ASIC1: variants seen among roughly 807,000 people sequenced by gnomAD.
The protein encoded by ASIC1 is acid-sensing ion channel 1.
A neutral mutation model predicts 63.4 loss-of-function variants in ASIC1; 21 were observed. The ratio of observed to expected loss-of-function variants is 0.33; its 90% CI spans 0.23 to 0.48. The LOEUF is 0.48. Among genes scored for constraint, ASIC1 ranks in the 20% least tolerant of loss-of-function variants. The pLI, the probability that ASIC1 is intolerant of heterozygous loss-of-function variation, is 0.99. For missense variants in ASIC1, 478 were observed against 695.5 expected (o/e 0.69, Z 3.52); for synonymous variants, 258 against 278.2 (o/e 0.93, Z 0.72).
Position 50,058,922 on chromosome 12 carries a change from C to T in ASIC1, c.156C>T (p.Gly52=), listed in dbSNP as rs530124219. ...KRALWALCFL[G]SLAVLLCVCT... ...CACTGTGGGCCCTGTGCTTCCTGGG[C>T]TCCCTGGCTGTGCTGCTGTGTGTGT... The change falls in exon 2 of 12, where the codon GGC becomes GGT. Residue 52 remains glycine (G), a synonymous_variant. Coordinates refer to ENST00000447966, the MANE Select transcript of ASIC1 (RefSeq NM_001095.4). 3 of 1,614,168 alleles carry T rather than the reference C, an allele frequency of 1.9e-6. No individual in the cohort carries two copies. The South Asian group carries it at 3.3e-5, about 18-fold the overall frequency.
Position 50,057,854 on chromosome 12 carries a change from C to T in ASIC1, c.-79C>T, listed in dbSNP as rs1429856950. The stretch of plus-strand genomic sequence containing the variant: ...AGCCCCTCCGCGACTCGGCGCTGAG[C>T]CCGCCACCGGTCCAGCGCCCCAGGA... On this transcript the variant is annotated 5_prime_UTR_variant, in exon 1 of 12. Transcript: ENST00000447966. The surrounding 1 kb of genome is among the most constrained non-coding windows in gnomAD (Gnocchi z 4.7). The T allele has an allele frequency of 6.6e-6, 1 of 151,512 alleles. No individual in the cohort carries two copies. The highest frequency in any genetic ancestry group is 1.5e-5 in the Non-Finnish European group (1 of 67,846). The allele number at this position is 151,512 out of a possible 1,614,324, so 9.4% of individuals were successfully genotyped here. A position where few individuals can be genotyped will look rare whatever the true frequency, so the allele number is the denominator to read the frequency against.
At chr12:50,065,329 C>A (rs934381068) in intron 3 of ASIC1, among the ~76,000 whole-genome samples, 2 of 152,176 alleles carry the variant, frequency 1.3e-5, no homozygotes, top group African/African-American at 4.8e-5. Context: ...GAAGGGGTGC[C>A]TAGCTGGGTG....
In ASIC1 at chr12:50,074,257, C is replaced by T; in HGVS notation, c.559-2956C>T. On this transcript the variant is annotated intron_variant, in intron 3 of 11. Coordinates refer to ENST00000447966, the MANE Select transcript of ASIC1 (RefSeq NM_001095.4). The surrounding 1 kb of genome is among the most constrained non-coding windows in gnomAD (Gnocchi z 4.2). The stretch of plus-strand genomic sequence containing the variant: ...CAACTTCTCAGTGGTGAGTGGAGCC[C>T]CATGCCTGCCACAGTACCCCAAGAG... 1.4e-6 allele frequency: 2 copies of T among 1,456,982 alleles called. No homozygotes were observed. The highest frequency in any genetic ancestry group is 9.0e-7 in the Non-Finnish European group (1 of 1,106,682). 90.3% of individuals were successfully genotyped at this position (1,456,982 alleles called of 1,614,324 possible).
intron 1 of ASIC1, among the ~76,000 whole-genome samples, chr12:50,058,133 C>T (rs991313964): frequency 1.3e-5 from 2 of 151,902 alleles, no homozygotes; most frequent in Non-Finnish European, 2.9e-5. Flanking sequence ...CCGCGCCCCC[C>T]CTCCATACAT....
At position 50,082,169 on chromosome 12, in the gene ASIC1, G is replaced by T. The variant is rs1435998089; in HGVS notation, c.*520G>T. 6.3e-6 allele frequency: 1 copy of T among 158,336 alleles called. No homozygotes were observed. The highest frequency in any genetic ancestry group is 1.4e-5 in the Non-Finnish European group (1 of 71,900). The allele number at this position is 158,336 out of a possible 1,614,324, so 9.8% of individuals were successfully genotyped here. A position where few individuals can be genotyped will look rare whatever the true frequency, so the allele number is the denominator to read the frequency against. The stretch of plus-strand genomic sequence containing the variant: ...GACTGTCCCCAAACCCAAGTCTCCT[G>T]GCAGGAACTAAAACCTCAGCCCCAC... On this transcript the variant is annotated 3_prime_UTR_variant, in exon 12 of 12. Coordinates refer to ENST00000447966, the MANE Select transcript of ASIC1 (RefSeq NM_001095.4).
intron 9 of ASIC1, 48 bp from the exon 10 acceptor site, chr12:50,081,054 C>A (rs1172584384): frequency 6.6e-7 from 1 of 1,509,914 alleles, no homozygotes; most frequent in Non-Finnish European, 9.0e-7. Flanking sequence ...CCCTGCTGCC[C>A]CCACGATGTC....
Position 50,059,014 on chromosome 12 carries a change from C to T in ASIC1, c.248C>T (p.Ser83Phe). 24 of 1,614,232 alleles carry T rather than the reference C, an allele frequency of 1.5e-5. No individual in the cohort carries two copies. Among genetic ancestry groups the T allele is most frequent in the Non-Finnish European group, 2.0e-5 (24 of 1,180,038 alleles). ...ACCAAGCTCGACGAGGTGGCTGCCTCTCAGCTTACCTTCCCTGCTGTCACG... is the reference window on the plus strand; with the variant it reads ...ACCAAGCTCGACGAGGTGGCTGCCTTTCAGCTTACCTTCCCTGCTGTCACG... ...HVTKLDEVAA[S>F]QLTFPAVTLC... Residue 83 changes from serine to phenylalanine, a missense_variant, in exon 2 of 12, where the codon TCT becomes TTT. Coordinates refer to ENST00000447966, the MANE Select transcript of ASIC1 (RefSeq NM_001095.4). The surrounding 1 kb of genome is among the most constrained non-coding windows in gnomAD (Gnocchi z 4.6).
chr12:50,075,319 C>T (rs1027291238), intron 3 of ASIC1, among the ~76,000 whole-genome samples: 147 of 152,274 alleles, frequency 9.7e-4, no homozygotes, highest in African/African-American at 3.4e-3. Context: ...CCTCTGGGCC[C>T]GAGAGTAGAG....
chr12:50,079,857 A>G (rs1236935048), intron 7 of ASIC1, 45 bp from the exon 8 acceptor site: 10 of 1,558,766 alleles, frequency 6.4e-6, no homozygotes, highest in Non-Finnish European at 8.7e-6. Context: ...AGGTGCTGGC[A>G]GAAGGGCACC....
At position 50,059,434 on chromosome 12, in the gene ASIC1, C is replaced by T. The variant is rs541628191; in HGVS notation, c.362+306C>T. 2.0e-5 allele frequency among the ~76,000 whole-genome samples: 3 copies of T among 152,314 alleles called. No homozygotes were observed. The highest frequency in any genetic ancestry group is 2.1e-4 in the South Asian group (1 of 4,826). On this transcript the variant is annotated intron_variant, in intron 2 of 11. Transcript: ENST00000447966. This position sits in a 1 kb window ranked among gnomAD's most constrained non-coding sequence, Gnocchi z 4.6. ...TCTGGCCACTCTGTCTTGACCTTCT[C>T]GTCAGTTGGGGGATGGGGACAGAAC...
At position 50,081,056 on chromosome 12, in the gene ASIC1, C is replaced by T. The variant is rs1464813967; in HGVS notation, c.1298-46C>T. 7 of 1,517,372 alleles carry T rather than the reference C, an allele frequency of 4.6e-6. No homozygotes were observed. In the South Asian group the frequency reaches 8.4e-5, roughly 18 times the overall value. 94.0% of individuals were successfully genotyped at this position (1,517,372 alleles called of 1,614,324 possible). On this transcript the variant is annotated intron_variant, in intron 9 of 11. Transcript: ENST00000447966. ...CAGTCCCAGTAAACCCTGCTGCCCC[C>T]ACGATGTCCTGACCCCACTGACCCC...
chr12:50,069,541 A>G lies in ASIC1; in HGVS notation c.559-7672A>G, dbSNP rs1399689231. 2.0e-5 allele frequency among the ~76,000 whole-genome samples: 3 copies of G among 152,198 alleles called. No individual in the cohort carries two copies. In the East Asian group the frequency reaches 5.8e-4, roughly 29 times the overall value. ...ACTCCTGGCCTCAAGTGATCCGCCC[A>G]TTTCAGCCTCCCAAAGTGCTGGGAT... On this transcript the variant is annotated intron_variant, in intron 3 of 11. Transcript: ENST00000447966.
intron 1 of ASIC1, 57 bp from the exon 2 acceptor site, chr12:50,058,694 C>T (rs1950470070): frequency 5.9e-6 from 9 of 1,518,876 alleles, no homozygotes; most frequent in East Asian, 4.5e-5. Flanking sequence ...TGTGGAGGGG[C>T]TCCATGTGTA....
Position 50,074,231 on chromosome 12 carries a change from A to C in ASIC1, c.559-2982A>C. 1.3e-6 allele frequency: 2 copies of C among 1,488,002 alleles called. No homozygotes were observed. The highest frequency in any genetic ancestry group is 3.5e-4 in the Middle Eastern group (2 of 5,714). 92.2% of individuals were successfully genotyped at this position (1,488,002 alleles called of 1,614,324 possible). On this transcript the variant is annotated intron_variant, in intron 3 of 11. Transcript: ENST00000447966. The surrounding 1 kb of genome is among the most constrained non-coding windows in gnomAD (Gnocchi z 4.2). Reference sequence around the variant, plus strand: ...TACCAAGGGGGACCCTGCGGCCCTCACAACTTCTCAGTGGTGAGTGGAGCC... The same window carrying C: ...TACCAAGGGGGACCCTGCGGCCCTCCCAACTTCTCAGTGGTGAGTGGAGCC...
chr12:50,080,878 G>A, intron 9 of ASIC1: 3 of 861,734 alleles, frequency 3.5e-6, no homozygotes, highest in Admixed American at 2.8e-5. Context: ...TTTTGTAAAC[G>A]ATTATTTTTC....
chr12:50,063,911 A>G (rs1431427130), intron 3 of ASIC1, among the ~76,000 whole-genome samples: 1 of 152,066 alleles, frequency 6.6e-6, no homozygotes, highest in Non-Finnish European at 1.5e-5. Flanking sequence ...AGAAGCTCAG[A>G]CCAGAAGTCC....
chr12:50,077,946 G>A, intron 4 of ASIC1, 54 bp from the exon 5 acceptor site: 1 of 1,563,188 alleles, frequency 6.4e-7, no homozygotes, highest in Non-Finnish European at 8.7e-7. Context: ...CCAGGTCTGA[G>A]GGGTGTTAGG....
chr12:50,067,117 C>CAT (rs3079861), intron 3 of ASIC1, among the ~76,000 whole-genome samples: 144,892 of 152,232 alleles, frequency 0.95, 69,087 homozygotes, highest in Non-Finnish European at 0.98. Context: ...AAAACTAAAA[C>CAT]ATGTGTCTCT....
rs1245209779 is a variant in ASIC1 at position 50,059,925 on chromosome 12, G to T, written c.529G>T (p.Glu177Ter). Residue 177 changes from glutamate to a stop codon, truncating the protein, a stop_gained, in exon 3 of 12, where the codon GAG becomes TAG. Coordinates refer to ENST00000447966, the MANE Select transcript of ASIC1 (RefSeq NM_001095.4). LOFTEE classifies it high-confidence loss of function. The surrounding 1 kb of genome is among the most constrained non-coding windows in gnomAD (Gnocchi z 4.6). ...DMLLSCHFRG[E>*]VCSAEDFKVV... Reference sequence around the variant, plus strand: ...GCTGCTCTCCTGCCACTTCCGGGGGGAGGTCTGCAGCGCTGAAGACTTCAA... The same window carrying T: ...GCTGCTCTCCTGCCACTTCCGGGGGTAGGTCTGCAGCGCTGAAGACTTCAA... The T allele has an allele frequency of 5.6e-6, 9 of 1,614,126 alleles. No individual in the cohort carries two copies.
Sources: allele counts gnomAD v4.1 joint callset (sites outside exome capture counted in the v4.1 genomes callset), GRCh38; gene constraint gnomAD v4.1.1; non-coding constraint Gnocchi (gnomAD v3.1); transcripts MANE v1.5; gene names NCBI Gene and HGNC (gene_info 2026-07-23, HGNC 2026-07-21).